Variants in SOS1 observed in about 807,000 individuals in gnomAD.
The protein encoded by SOS1 is son of sevenless homolog 1.
SOS1 carries 25 observed loss-of-function variants against 157.6 expected under a neutral mutation model. The observed-to-expected ratio is 0.16, with a 90% CI of 0.12 to 0.22. The LOEUF is 0.22. SOS1 is among the 10% of genes least tolerant of loss of function. The probability of loss-of-function intolerance (pLI) is 1.00; values close to 1 mark genes in which losing one functional copy is unlikely to be tolerated. For missense variants in SOS1, 1,237 were observed against 1,599.1 expected (o/e 0.77, Z 3.86); for synonymous variants, 528 against 534.0 (o/e 0.99, Z 0.16).
At chr2:39,025,308 T>C (rs370129829) in intron 8 of SOS1, among the ~76,000 whole-genome samples, 2 of 152,220 alleles carry the variant, frequency 1.3e-5, no homozygotes. Flanking sequence ...AGACTTGAGA[T>C]ACACAATCAT....
chr2:39,071,477 T>C (rs935249480), intron 1 of SOS1, among the ~76,000 whole-genome samples: 18 of 152,260 alleles, frequency 1.2e-4, no homozygotes, highest in African/African-American at 2.4e-4. Flanking sequence ...AAAGGGAAAA[T>C]CATCATTGGT....
At chr2:39,115,399 TCTCTC>T (rs1673608307) in intron 1 of SOS1, among the ~76,000 whole-genome samples, 2 of 110,270 alleles carry the variant, frequency 1.8e-5, no homozygotes, top group Non-Finnish European at 4.2e-5. Context: ...TCAAATTTGT[TCTCTC>T]TCTTTTTTTT....
In SOS1 at chr2:39,022,399, T is replaced by C. The variant is rs1204686423; in HGVS notation, c.1858+171A>G. ...GTTAAAAAAAAGTATTTAAGTGTAGTAGAAAAAGTAAAACATTCCAAAGAA... is the reference window on the plus strand; with the variant it reads ...GTTAAAAAAAAGTATTTAAGTGTAGCAGAAAAAGTAAAACATTCCAAAGAA... On this transcript the variant is annotated intron_variant, in intron 10 of 22. Coordinates refer to ENST00000402219, the MANE Select transcript of SOS1 (RefSeq NM_005633.4). 36 of 629,658 alleles carry C rather than the reference T, an allele frequency of 5.7e-5. No individual in the cohort carries two copies. The East Asian group carries it at 7.7e-4, about 13-fold the overall frequency. The allele number at this position is 629,658 out of a possible 1,614,324, so 39.0% of individuals were successfully genotyped here.
chr2:39,083,904 C>A (rs1672288953), intron 1 of SOS1, among the ~76,000 whole-genome samples: 1 of 152,098 alleles, frequency 6.6e-6, no homozygotes, highest in South Asian at 2.1e-4. Context: ...AGCCCCAGCA[C>A]CTCAGAATGT....
At chr2:39,122,942 C>T (rs1673945027), upstream of SOS1, among the ~76,000 whole-genome samples, 1 of 152,140 alleles carries the variant, frequency 6.6e-6, no homozygotes, top group Non-Finnish European at 1.5e-5. Flanking sequence ...CAAACTATTG[C>T]TTGGCTTCCC....
intron 1 of SOS1, among the ~76,000 whole-genome samples, chr2:39,080,472 T>C (rs1672163341): frequency 6.6e-6 from 1 of 152,222 alleles, no homozygotes; most frequent in African/African-American, 2.4e-5. Flanking sequence ...GGACCCCTGA[T>C]TTAAACTGAA....
intron 15 of SOS1, among the ~76,000 whole-genome samples, chr2:39,009,492 AT>A (rs927494301): frequency 1.2e-4 from 19 of 152,162 alleles, no homozygotes; most frequent in African/African-American, 3.9e-4. Flanking sequence ...GTAAATGCGT[AT>A]TTTTTTCTCA....
intron 21 of SOS1, among the ~76,000 whole-genome samples, chr2:38,988,412 TTAAG>T (rs1287737396): frequency 6.6e-6 from 1 of 152,070 alleles, no homozygotes; most frequent in African/African-American, 2.4e-5. Flanking sequence ...AAAACAACAC[TTAAG>T]TTAGTTGTTT....
At chr2:39,071,726 A>G (rs1271806828) in intron 1 of SOS1, among the ~76,000 whole-genome samples, 3 of 152,206 alleles carry the variant, frequency 2.0e-5, no homozygotes, top group African/African-American at 7.2e-5. Context: ...CTGTTTTTCA[A>G]AGAAACCCAT....
At chr2:39,008,356 T>C (rs917668760) in intron 15 of SOS1, among the ~76,000 whole-genome samples, 1 of 152,158 alleles carries the variant, frequency 6.6e-6, no homozygotes, top group African/African-American at 2.4e-5. Context: ...AGGGCAGAAG[T>C]GTCACTCAGA....
chr2:39,115,562 A>C (rs1329520696), intron 1 of SOS1, among the ~76,000 whole-genome samples: 6 of 151,754 alleles, frequency 4.0e-5, no homozygotes, highest in Non-Finnish European at 8.8e-5. Flanking sequence ...CTACAGGCTC[A>C]TGCCACCACA....
At chr2:39,121,596 G>A (rs928405907), upstream of SOS1, among the ~76,000 whole-genome samples, 1 of 152,214 alleles carries the variant, frequency 6.6e-6, no homozygotes, top group African/African-American at 2.4e-5. Flanking sequence ...CTCCAGAAAT[G>A]AACTCCAGTA....
At chr2:39,112,922 C>G (rs895219884) in intron 1 of SOS1, among the ~76,000 whole-genome samples, 1 of 152,022 alleles carries the variant, frequency 6.6e-6, no homozygotes, top group African/African-American at 2.4e-5. Context: ...GCCTGTAATC[C>G]CAGCTACTGG....
intron 17 of SOS1, among the ~76,000 whole-genome samples, chr2:39,006,025 G>A (rs1572815388): frequency 6.6e-6 from 1 of 152,072 alleles, no homozygotes; most frequent in East Asian, 1.9e-4. Context: ...TGTGCCAGAG[G>A]TGTGGGCCCA....
At chr2:39,044,094 C>A (rs928818130) in intron 6 of SOS1, among the ~76,000 whole-genome samples, 1 of 152,148 alleles carries the variant, frequency 6.6e-6, no homozygotes, top group African/African-American at 2.4e-5. Flanking sequence ...CGGTGGCTCA[C>A]GTATGTAATA....
Position 39,012,300 on chromosome 2 carries a change from C to T in SOS1, c.2216G>A (p.Arg739Lys). The change falls in exon 14 of 23, where the codon AGG becomes AAG. Residue 739 changes from arginine (R) to lysine (K), a missense_variant. Around this residue, in one of 15 missense-constraint regions of SOS1, gnomAD observed 42 missense variants for 80.4 expected, o/e 0.52. Coordinates refer to ENST00000402219, the MANE Select transcript of SOS1 (RefSeq NM_005633.4). ...TCCATTGTCTCTTGCAATTTTTTTC[C>T]TTTGGATTATTTTAGTGATGGATTC... ...WVESITKIIQ[R>K]KKIARDNGPG... 1 of 1,612,948 alleles carries T rather than the reference C, an allele frequency of 6.2e-7. No homozygotes were observed. Among genetic ancestry groups the T allele is most frequent in the Non-Finnish European group, 8.5e-7 (1 of 1,179,198 alleles).
intron 1 of SOS1, among the ~76,000 whole-genome samples, chr2:39,096,587 C>T (rs13394446): frequency 0.083 from 12,643 of 152,074 alleles, 1,886 homozygotes; most frequent in African/African-American, 0.29. Flanking sequence ...TTGAAAGTCA[C>T]TAAAAATATC....
chr2:39,087,360 TATG>T (rs929865159), intron 1 of SOS1, among the ~76,000 whole-genome samples: 224 of 152,360 alleles, frequency 1.5e-3, no homozygotes, highest in African/African-American at 5.2e-3. Context: ...GGAGCTGTCA[TATG>T]ATAACAGCCA....
At chr2:39,064,742 ATT>A (rs4015841) in intron 2 of SOS1, among the ~76,000 whole-genome samples, 4 of 74,814 alleles carry the variant, frequency 5.3e-5, no homozygotes, top group East Asian at 4.4e-4. Context: ...TTTAAAATAC[ATT>A]TTTTTTTTTT....
Sources: gnomAD v4.1 joint callset for allele counts (sites outside exome capture counted in the v4.1 genomes callset) on GRCh38, gnomAD v4.1.1 for gene constraint, gnomAD v4.1.1 regional missense constraint, MANE v1.5 for transcripts, NCBI Gene and HGNC (gene_info 2026-07-23, HGNC 2026-07-21) for gene names.